The following ZNF292 variants were observed in gnomAD, a reference collection of about 807,000 sequenced individuals.
ZNF292 encodes the protein zinc finger protein 292.
Under a neutral mutation model 217.9 loss-of-function variants are expected in ZNF292, and 26 were observed. The observed-to-expected ratio is 0.12, with a 90% CI of 0.09 to 0.17. The LOEUF is 0.17. Ranked by LOEUF, ZNF292 falls within the 10% of genes least tolerant of loss-of-function variation. The pLI is 1.00. For missense variants in ZNF292, 2,904 were observed against 3,175.2 expected, an observed-to-expected ratio of 0.91 and a Z score of 2.05; for synonymous variants, 1,257 against 1,124.1, an observed-to-expected ratio of 1.12 and a Z score of -2.37.
intron 3 of ZNF292, among the ~76,000 whole-genome samples, chr6:87,217,343 T>TG (rs1772840842): frequency 6.6e-6 from 1 of 152,110 alleles, no homozygotes; most frequent in African/African-American, 2.4e-5. Flanking sequence ...TTCTGCATAA[T>TG]GTCTTACACA....
At position 87,265,178 on chromosome 6, in the gene ZNF292, G is replaced by A. The variant is rs1348883102; in HGVS notation, c.*3377G>A. ...CCCAGGCTGGAGTGCAGTGTTGCAC[G>A]ATCTCGGCTTACTGCAACTTCTGCC... On this transcript the variant is annotated 3_prime_UTR_variant, in exon 8 of 8. Transcript: ENST00000369577. Among the ~76,000 whole-genome samples, 2 of 151,574 alleles carry A rather than the reference G, an allele frequency of 1.3e-5. No individual in the cohort carries two copies. Among genetic ancestry groups the A allele is most frequent in the East Asian group, 3.9e-4 (2 of 5,166 alleles).
intron 5 of ZNF292, among the ~76,000 whole-genome samples, chr6:87,235,729 A>G (rs1773873284): frequency 6.6e-6 from 1 of 152,182 alleles, no homozygotes; most frequent in South Asian, 2.1e-4. Flanking sequence ...GGGTACTTCC[A>G]GTGTCATATG....
chr6:87,161,446 G>C (rs867372247), intron 1 of ZNF292, among the ~76,000 whole-genome samples: 1 of 152,136 alleles, frequency 6.6e-6, no homozygotes, highest in Non-Finnish European at 1.5e-5. Context: ...TTTTGAGACA[G>C]GGTCTCCACT....
intron 1 of ZNF292, among the ~76,000 whole-genome samples, chr6:87,192,955 G>C (rs1771860583): frequency 6.6e-6 from 1 of 152,166 alleles, no homozygotes; most frequent in Non-Finnish European, 1.5e-5. Flanking sequence ...TTCAATTACT[G>C]TTATATGAAG....
At chr6:87,235,724 C>G (rs1367994794) in intron 5 of ZNF292, among the ~76,000 whole-genome samples, 2 of 152,246 alleles carry the variant, frequency 1.3e-5, no homozygotes, top group African/African-American at 4.8e-5. Context: ...ACCCTGGGTA[C>G]TTCCAGTGTC....
chr6:87,258,576 A>G lies in ZNF292; in HGVS notation c.4947A>G (p.Thr1649=). ...IAPNASQNLV[T]SDLTTMGLIA... ...CTAACGCTTCCCAAAACTTGGTAAC[A>G]AGTGACTTAACAACAATGGGACTCA... Residue 1649 remains threonine (T), a synonymous_variant, in exon 8 of 8, where the codon ACA becomes ACG. Coordinates refer to ENST00000369577, the MANE Select transcript of ZNF292 (RefSeq NM_015021.3). The G allele has an allele frequency of 6.2e-7, 1 of 1,613,698 alleles. No homozygotes were observed. The highest frequency in any genetic ancestry group is 8.5e-7 in the Non-Finnish European group (1 of 1,179,782).
Position 87,243,620 on chromosome 6 carries a change from A to G in ZNF292, c.878+9A>G. ...GATATGTACTGCGCTTGGTGAGTTG[A>G]TCTTTTTTTTTTTAAAGAAATATTT... On this transcript the variant is annotated intron_variant, in intron 6 of 7. Transcript: ENST00000369577. 1 of 1,447,468 alleles carries G rather than the reference A, an allele frequency of 6.9e-7. No homozygotes were observed. The highest frequency in any genetic ancestry group is 3.0e-5 in the Admixed American group (1 of 33,384). 89.7% of individuals were successfully genotyped at this position (1,447,468 alleles called of 1,614,324 possible).
intron 5 of ZNF292, among the ~76,000 whole-genome samples, chr6:87,240,355 A>C (rs1582481860): frequency 2.7e-5 from 1 of 36,440 alleles, no homozygotes; most frequent in Admixed American, 4.2e-4. Context: ...AGAGAGGGAG[A>C]GGGAGACCCG....
chr6:87,160,028 T>C (rs1223421964), intron 1 of ZNF292, among the ~76,000 whole-genome samples: 1 of 151,912 alleles, frequency 6.6e-6, no homozygotes, highest in East Asian at 1.9e-4. Flanking sequence ...TAGTTAATTG[T>C]ATTAGACTGG....
At chr6:87,169,626 A>G in intron 1 of ZNF292, 1 of 385,022 alleles carries the variant, frequency 2.6e-6, no homozygotes, top group South Asian at 1.8e-5. Context: ...TTAAAAGATG[A>G]GCCATTAGCA....
At chr6:87,211,919 G>A (rs893178973) in intron 1 of ZNF292, among the ~76,000 whole-genome samples, 1 of 152,106 alleles carries the variant, frequency 6.6e-6, no homozygotes, top group Non-Finnish European at 1.5e-5. Context: ...ATAAATATAT[G>A]TGTATAGACA....
rs1390462418 is a variant in ZNF292, at chr6:87,257,117, G to A, written c.3488G>A (p.Ser1163Asn). Residue 1163 changes from serine (S) to asparagine (N), a missense_variant, in exon 8 of 8, where the codon AGC becomes AAC. Physicochemically the swap from Ser to Asn is conservative, Grantham distance 46. Around this residue, in one of 15 missense-constraint regions of ZNF292, gnomAD observed 687 missense variants for 623.0 expected, o/e 1.10. Coordinates refer to ENST00000369577, the MANE Select transcript of ZNF292 (RefSeq NM_015021.3). ...TATTTTTTGCCATCACCGGTGAACAGCTCAAATCCATTTTTTACATCACAG... is the reference window on the plus strand; with the variant it reads ...TATTTTTTGCCATCACCGGTGAACAACTCAAATCCATTTTTTACATCACAG... ...FVYFLPSPVN[S>N]SNPFFTSQTK... 9.9e-6 allele frequency: 16 copies of A among 1,613,734 alleles called. No homozygotes were observed. Among genetic ancestry groups the A allele is most frequent in the Non-Finnish European group, 1.4e-5 (16 of 1,179,840 alleles).
chr6:87,249,772 C>T (rs1322996345), intron 7 of ZNF292, among the ~76,000 whole-genome samples: 5 of 151,874 alleles, frequency 3.3e-5, no homozygotes, highest in Admixed American at 6.6e-5. Context: ...TGCAGTAGTG[C>T]AATCTCGGCT....
chr6:87,160,489 A>ATG (rs1296663738), intron 1 of ZNF292, among the ~76,000 whole-genome samples: 3,145 of 98,732 alleles, frequency 0.032, 107 homozygotes, highest in African/African-American at 0.085. Context: ...GTTTGTATAT[A>ATG]TATGTGTGTG....
intron 7 of ZNF292, chr6:87,249,448 A>T (rs893366132): frequency 1.1e-5 from 3 of 270,022 alleles, no homozygotes; most frequent in Non-Finnish European, 2.3e-5. Flanking sequence ...CCTTCTTGAC[A>T]GGGATAGTAT....
intron 1 of ZNF292, among the ~76,000 whole-genome samples, chr6:87,206,720 A>G (rs1234614122): frequency 6.6e-6 from 1 of 152,212 alleles, no homozygotes; most frequent in Non-Finnish European, 1.5e-5. Context: ...TTATTACAAT[A>G]TATGAATTCC....
chr6:87,244,930 C>T (rs1774495114), intron 6 of ZNF292, among the ~76,000 whole-genome samples: 1 of 152,006 alleles, frequency 6.6e-6, no homozygotes, highest in South Asian at 2.1e-4. Flanking sequence ...AAGTCATCAT[C>T]TGTAAAACTT....
chr6:87,193,995 A>G (rs538281779), intron 1 of ZNF292, among the ~76,000 whole-genome samples: 1 of 152,334 alleles, frequency 6.6e-6, no homozygotes, highest in Admixed American at 6.5e-5. Context: ...TAAAGGTCTA[A>G]TGGAGGAAGA....
intron 4 of ZNF292, 95 bp from the exon 5 acceptor site, chr6:87,233,230 T>TCCCGTGTTTAAA (rs1376184386): frequency 2.2e-6 from 2 of 901,212 alleles, no homozygotes; most frequent in African/African-American, 3.4e-5. Context: ...AAAAGCATTT[T>TCCCGTGTTTAAA]AGTTCCCGTG....
Sources: allele counts gnomAD v4.1 joint callset (sites outside exome capture counted in the v4.1 genomes callset), GRCh38; gene constraint gnomAD v4.1.1; regional missense constraint gnomAD v4.1.1; transcripts MANE v1.5; gene names NCBI Gene and HGNC (gene_info 2026-07-23, HGNC 2026-07-21).